UBXN4: variants seen among roughly 807,000 people sequenced by gnomAD.
The protein encoded by UBXN4 is UBX domain-containing protein 4.
A neutral mutation model predicts 66.2 loss-of-function variants in UBXN4; 35 were observed. The ratio of observed to expected loss-of-function variants is 0.53; its 90% CI spans 0.40 to 0.70. The LOEUF is 0.70. UBXN4 is among the 30% of genes least tolerant of loss of function. The probability of loss-of-function intolerance (pLI) is 0.00; values close to 1 mark genes in which losing one functional copy is unlikely to be tolerated. For missense variants in UBXN4, 533 were observed against 599.8 expected (o/e 0.89, Z 1.16); for synonymous variants, 203 against 204.5 (o/e 0.99, Z 0.06).
rs58883877 is a variant in UBXN4 at position 135,777,712 on chromosome 2, A to G, written c.1054-1236A>G. 2.1e-3 allele frequency among the ~76,000 whole-genome samples: 317 copies of G among 150,062 alleles called. 2 individuals are homozygous for G. Among genetic ancestry groups the G allele is most frequent in the African/African-American group, 7.3e-3 (296 of 40,670 alleles). On this transcript the variant is annotated intron_variant, in intron 10 of 12. Transcript: ENST00000272638. ...CCAGGCTGACCAACATGGTGACCCC[A>G]TCTATTCTAAAAATACAAAAATTAG...
At chr2:135,752,755 CTGT>C (rs1478087561) in intron 2 of UBXN4, among the ~76,000 whole-genome samples, 1 of 151,972 alleles carries the variant, frequency 6.6e-6, no homozygotes, top group Non-Finnish European at 1.5e-5. Flanking sequence ...AAGTCTCACT[CTGT>C]TGCCCAGGCT....
chr2:135,753,702 G>A, intron 3 of UBXN4, 135 bp downstream of exon 3: 3 of 768,662 alleles, frequency 3.9e-6, no homozygotes, highest in Non-Finnish European at 5.8e-6. Flanking sequence ...TTATTACTAA[G>A]TGTCCTCATT....
chr2:135,780,167 G>C lies in UBXN4; in HGVS notation c.1186-16G>C. ...GCTAACGTAGTCTTTATCTAGGTTTGTTTATTAATTTCTAGGCAGGAAGAC... is the reference window on the plus strand; with the variant it reads ...GCTAACGTAGTCTTTATCTAGGTTTCTTTATTAATTTCTAGGCAGGAAGAC... On this transcript the variant is annotated splice_polypyrimidine_tract_variant and intron_variant, in intron 11 of 12. Transcript: ENST00000272638. 1.2e-6 allele frequency: 2 copies of C among 1,613,490 alleles called. No homozygotes were observed. Among genetic ancestry groups the C allele is most frequent in the East Asian group, 2.2e-5 (1 of 44,872 alleles).
At chr2:135,747,884 G>A (rs1367493632) in intron 1 of UBXN4, 9 of 344,140 alleles carry the variant, frequency 2.6e-5, no homozygotes, top group Non-Finnish European at 5.1e-5. Flanking sequence ...GCCTCCCAAA[G>A]TGCTGAGATT....
At chr2:135,777,624 C>T (rs1461241238) in intron 10 of UBXN4, among the ~76,000 whole-genome samples, 3 of 152,156 alleles carry the variant, frequency 2.0e-5, no homozygotes, top group Admixed American at 6.6e-5. Context: ...TGGTGGCTCA[C>T]GCCTGTAATC....
rs191216445 is a variant in UBXN4, at chr2:135,762,302, G to A, written c.602+391G>A. 6.8e-4 allele frequency among the ~76,000 whole-genome samples: 103 copies of A among 152,228 alleles called. 1 individual carries two copies. Among genetic ancestry groups the A allele is most frequent in the Admixed American group, 4.4e-3 (68 of 15,290 alleles). The stretch of plus-strand genomic sequence containing the variant: ...TGCATAAGTGGGTGTCTACTAAGTG[G>A]CATTTTTCATTAGTTGGTCTAATAA... On this transcript the variant is annotated intron_variant, in intron 6 of 12. Coordinates refer to ENST00000272638, the MANE Select transcript of UBXN4 (RefSeq NM_014607.4).
intron 5 of UBXN4, among the ~76,000 whole-genome samples, chr2:135,758,824 T>C (rs1288148753): frequency 1.3e-5 from 2 of 152,086 alleles, no homozygotes; most frequent in East Asian, 1.9e-4. Flanking sequence ...AGTGGCGTGA[T>C]CTCGGCTCAC....
chr2:135,771,494 GAAAA>G (rs772340730), intron 8 of UBXN4, among the ~76,000 whole-genome samples: 5 of 151,746 alleles, frequency 3.3e-5, no homozygotes, highest in Non-Finnish European at 7.4e-5. Context: ...AAGAAAGAAA[GAAAA>G]AAAGCCATCC....
chr2:135,756,934 T>C (rs753603274), intron 5 of UBXN4, among the ~76,000 whole-genome samples: 7 of 152,222 alleles, frequency 4.6e-5, no homozygotes, highest in Middle Eastern at 3.2e-3. Flanking sequence ...ATTCTGATTG[T>C]TCCCCCCTGT....
At chr2:135,782,620 C>T (rs2077457076) in intron 12 of UBXN4, 129 bp from the exon 13 acceptor site, 1 of 1,109,506 alleles carries the variant, frequency 9.0e-7, no homozygotes, top group Non-Finnish European at 1.3e-6. Flanking sequence ...CTCCCATGGA[C>T]TTTCCTTACT....
intron 5 of UBXN4, among the ~76,000 whole-genome samples, chr2:135,758,256 T>G (rs571361957): frequency 7.9e-5 from 12 of 152,112 alleles, no homozygotes; most frequent in African/African-American, 1.7e-4. Flanking sequence ...GTATTTTTAG[T>G]AGGGACGGGG....
chr2:135,776,752 GC>G (rs1346526521), intron 10 of UBXN4, among the ~76,000 whole-genome samples: 8 of 151,838 alleles, frequency 5.3e-5, no homozygotes, highest in African/African-American at 1.9e-4. Context: ...GTACTGCCAT[GC>G]CCGGCTAATT....
rs200613240 is a variant in UBXN4, at chr2:135,772,327, T to TAA, written c.823-82_823-81dup. ...GACACAGCAAGACCCTGTCTCTTAA[T>TAA]AAAAAAAAAAAATTCCATGCATATT... On this transcript the variant is annotated intron_variant, in intron 8 of 12. Coordinates refer to ENST00000272638, the MANE Select transcript of UBXN4 (RefSeq NM_014607.4). 4.2e-4 allele frequency: 468 copies of TAA among 1,114,998 alleles called. No individual in the cohort carries two copies. In the East Asian group the frequency reaches 4.7e-3, roughly 11 times the overall value. The allele number at this position is 1,114,998 out of a possible 1,614,324, so 69.1% of individuals were successfully genotyped here.
At chr2:135,767,075 T>C (rs1289413274) in intron 6 of UBXN4, among the ~76,000 whole-genome samples, 1 of 151,990 alleles carries the variant, frequency 6.6e-6, no homozygotes, top group Non-Finnish European at 1.5e-5. Context: ...AAATTACCAG[T>C]GCTAGTCTGG....
At chr2:135,750,611 T>C (rs1424694229) in intron 2 of UBXN4, among the ~76,000 whole-genome samples, 1 of 152,220 alleles carries the variant, frequency 6.6e-6, no homozygotes, top group African/African-American at 2.4e-5. Flanking sequence ...CAAGTCGTAG[T>C]ATAGCCTGTC....
chr2:135,760,030 A>G (rs895766628), intron 5 of UBXN4, among the ~76,000 whole-genome samples: 8 of 152,054 alleles, frequency 5.3e-5, no homozygotes, highest in African/African-American at 1.9e-4. Flanking sequence ...GGCCTCCCAA[A>G]GTGCTGGGAC....
chr2:135,751,412 T>G (rs1210901826), intron 2 of UBXN4, among the ~76,000 whole-genome samples: 1 of 150,964 alleles, frequency 6.6e-6, no homozygotes, highest in Non-Finnish European at 1.5e-5. Context: ...ATGGTCTCGA[T>G]CTCCTGACCT....
intron 12 of UBXN4, among the ~76,000 whole-genome samples, chr2:135,781,879 C>G (rs1156699035): frequency 6.6e-6 from 1 of 152,194 alleles, no homozygotes; most frequent in African/African-American, 2.4e-5. Context: ...TTGAGACCAG[C>G]CTGGGCAACA....
intron 6 of UBXN4, among the ~76,000 whole-genome samples, chr2:135,767,518 C>T (rs1038660422): frequency 7.2e-5 from 11 of 152,094 alleles, no homozygotes; most frequent in Non-Finnish European, 1.3e-4. Context: ...AATCATGCAA[C>T]GTGTATTTTT....
Sources: allele counts gnomAD v4.1 joint callset (sites outside exome capture counted in the v4.1 genomes callset), GRCh38; gene constraint gnomAD v4.1.1; transcripts MANE v1.5; gene names NCBI Gene and HGNC (gene_info 2026-07-23, HGNC 2026-07-21).